The following LINGO2 variants were observed in gnomAD, a reference collection of about 807,000 sequenced individuals.
LINGO2 encodes the protein leucine-rich repeat and immunoglobulin-like domain-containing nogo receptor-interacting protein 2.
In LINGO2, 14 loss-of-function variants were observed where a neutral mutation model predicts 30.6. The observed-to-expected ratio is 0.46, with a 90% CI of 0.30 to 0.72. The LOEUF is 0.72. LINGO2 is among the 30% of genes least tolerant of loss of function. The pLI is 0.07. For missense variants in LINGO2, 729 were observed against 751.7 expected (o/e 0.97, Z 0.35); for synonymous variants, 317 against 288.5 (o/e 1.10, Z -1.00).
chr9:29,163,792 A>G, the LINGO2 span, among the ~76,000 whole-genome samples: 1 of 152,142 alleles, frequency 6.6e-6, no homozygotes, highest in Non-Finnish European at 1.5e-5. Flanking sequence ...TGGAAAACTT[A>G]AAATAATAGA....
intron 5 of LINGO2, among the ~76,000 whole-genome samples, chr9:27,954,931 A>G (rs1341518338): frequency 2.6e-5 from 4 of 152,170 alleles, no homozygotes; most frequent in Non-Finnish European, 4.4e-5. Context: ...TGTCATTTTA[A>G]TAATAGCCAT....
At position 28,401,144 on chromosome 9, in the gene LINGO2, T is replaced by G. The variant is rs538889657; in HGVS notation, c.-278-28276A>C. 1.2e-4 allele frequency among the ~76,000 whole-genome samples: 18 copies of G among 152,244 alleles called. No individual in the cohort carries two copies. The East Asian group carries it at 2.3e-3, about 20-fold the overall frequency. ...ATGTAGTGACAAAACAAGGGTACAATTAAGATTTTAAATGTTCTTTTTTTT... is the reference window on the plus strand; with the variant it reads ...ATGTAGTGACAAAACAAGGGTACAAGTAAGATTTTAAATGTTCTTTTTTTT... On this transcript the variant is annotated intron_variant, in intron 2 of 5. Transcript: ENST00000379992.
chr9:28,224,267 T>C (rs989680060), intron 4 of LINGO2, among the ~76,000 whole-genome samples: 6 of 152,160 alleles, frequency 3.9e-5, no homozygotes, highest in African/African-American at 1.4e-4. Context: ...GGTTTCACCG[T>C]GTTAGCCAGG....
intron 3 of LINGO2, among the ~76,000 whole-genome samples, chr9:28,336,675 T>C (rs1452844628): frequency 2.6e-5 from 4 of 152,144 alleles, no homozygotes; most frequent in African/African-American, 4.8e-5. Flanking sequence ...TCTTCTTCCA[T>C]TGAACTACTT....
the LINGO2 span, among the ~76,000 whole-genome samples, chr9:28,817,545 C>A: frequency 0.6 from 90,604 of 152,006 alleles, 27,184 homozygotes; most frequent in Middle Eastern, 0.7. Context: ...GCTGAGCCCA[C>A]GACCCACTTT....
chr9:28,757,777 C>T, the LINGO2 span, among the ~76,000 whole-genome samples: 2 of 151,916 alleles, frequency 1.3e-5, no homozygotes, highest in African/African-American at 4.8e-5. Context: ...AGCAACTGAA[C>T]TCAGCTTCCG....
At chr9:28,503,433 T>G (rs1034390285) in intron 1 of LINGO2, among the ~76,000 whole-genome samples, 2 of 152,046 alleles carry the variant, frequency 1.3e-5, no homozygotes, top group Non-Finnish European at 2.9e-5. Flanking sequence ...AGCTATCATG[T>G]ATGATAACTC....
At chr9:28,593,556 C>G (rs1420787701) in intron 1 of LINGO2, among the ~76,000 whole-genome samples, 1 of 152,038 alleles carries the variant, frequency 6.6e-6, no homozygotes, top group Non-Finnish European at 1.5e-5. Flanking sequence ...CTTCTAAGTT[C>G]CCCATAAAAG....
At chr9:28,647,807 T>C (rs1472279564) in intron 1 of LINGO2, among the ~76,000 whole-genome samples, 1 of 151,964 alleles carries the variant, frequency 6.6e-6, no homozygotes, top group Admixed American at 6.6e-5. Context: ...TAACTTGATA[T>C]ATTCTCTATT....
At chr9:28,442,340 C>T (rs763267187) in intron 2 of LINGO2, among the ~76,000 whole-genome samples, 2 of 151,734 alleles carry the variant, frequency 1.3e-5, no homozygotes, top group Non-Finnish European at 2.9e-5. Flanking sequence ...GTATACTTCT[C>T]TGATTGTTTA....
At chr9:28,109,809 C>A (rs1826718644) in intron 4 of LINGO2, among the ~76,000 whole-genome samples, 1 of 152,018 alleles carries the variant, frequency 6.6e-6, no homozygotes, top group Non-Finnish European at 1.5e-5. Flanking sequence ...TGAAAATGAC[C>A]ATAATGCCAA....
At chr9:28,499,305 C>G (rs1819790206) in intron 1 of LINGO2, among the ~76,000 whole-genome samples, 1 of 152,136 alleles carries the variant, frequency 6.6e-6, no homozygotes, top group Non-Finnish European at 1.5e-5. Context: ...GTCAGACCTA[C>G]CTGGGGTTTT....
intron 1 of LINGO2, among the ~76,000 whole-genome samples, chr9:28,487,382 T>A (rs1826212984): frequency 6.6e-6 from 1 of 152,164 alleles, no homozygotes; most frequent in Admixed American, 6.6e-5. Flanking sequence ...CATAAGCCAA[T>A]CCTACTTGAA....
the LINGO2 span, among the ~76,000 whole-genome samples, chr9:28,905,484 T>C: frequency 1.3e-5 from 2 of 151,732 alleles, no homozygotes; most frequent in East Asian, 1.9e-4. Context: ...ATAGGCAAAA[T>C]ACCTACACAA....
the LINGO2 span, among the ~76,000 whole-genome samples, chr9:29,010,364 G>A: frequency 3.3e-5 from 5 of 152,148 alleles, no homozygotes; most frequent in Admixed American, 1.3e-4. Flanking sequence ...TGTGAGCAGG[G>A]AAGAGAAGAT....
chr9:29,205,673 C>T, the LINGO2 span, among the ~76,000 whole-genome samples: 1 of 152,140 alleles, frequency 6.6e-6, no homozygotes, highest in Non-Finnish European at 1.5e-5. Flanking sequence ...GTCATCTGCG[C>T]CTTCAGTTTA....
At chr9:28,660,401 G>C (rs1828542952) in intron 1 of LINGO2, among the ~76,000 whole-genome samples, 1 of 151,896 alleles carries the variant, frequency 6.6e-6, no homozygotes. Context: ...ATAAAAATAT[G>C]GTAGCATTTG....
At chr9:28,288,367 T>A (rs1823595612) in intron 4 of LINGO2, among the ~76,000 whole-genome samples, 1 of 152,128 alleles carries the variant, frequency 6.6e-6, no homozygotes, top group South Asian at 2.1e-4. Flanking sequence ...TAAAACCCAC[T>A]CCATTTGATT....
At chr9:29,099,862 C>T in the LINGO2 span, among the ~76,000 whole-genome samples, 1 of 88,984 alleles carries the variant, frequency 1.1e-5, no homozygotes, top group African/African-American at 4.3e-5. Context: ...CCATACAATC[C>T]ATCAACCCCA....
Sources: gnomAD v4.1 joint callset for allele counts (sites outside exome capture counted in the v4.1 genomes callset) on GRCh38, gnomAD v4.1.1 for gene constraint, MANE v1.5 for transcripts, NCBI Gene and HGNC (gene_info 2026-07-23, HGNC 2026-07-21) for gene names.